Variants in TENM2 observed in about 807,000 individuals in gnomAD.
The protein encoded by TENM2 is teneurin transmembrane protein 2.
TENM2 carries 52 observed loss-of-function variants against 245.2 expected under a neutral mutation model. The ratio of observed to expected loss-of-function variants is 0.21; its 90% confidence interval spans 0.17 to 0.27. The LOEUF (loss-of-function observed/expected upper bound fraction) is 0.27. TENM2 is among the 10% of genes least tolerant of loss of function. The pLI, the probability that TENM2 is intolerant of heterozygous loss-of-function variation, is 1.00. For missense variants in TENM2, 3,046 were observed against 3,666.8 expected (o/e 0.83, Z 4.37); for synonymous variants, 1,363 against 1,438.9 (o/e 0.95, Z 1.19).
chr5:167,009,412 A>G, the TENM2 span, among the ~76,000 whole-genome samples: 1 of 152,208 alleles, frequency 6.6e-6, no homozygotes, highest in Non-Finnish European at 1.5e-5. Context: ...AAAAATATTT[A>G]CTGCTCAAAA....
rs563336004 is a variant in TENM2 at position 167,729,020 on chromosome 5, A to G, written c.503-146966A>G. 2.0e-5 allele frequency: 3 copies of G among 152,314 alleles called. No homozygotes were observed. In the South Asian group the frequency reaches 6.2e-4, roughly 32 times the overall value. 9.4% of individuals were successfully genotyped at this position (152,314 alleles called of 1,614,324 possible). The stretch of plus-strand genomic sequence containing the variant: ...ATGTTTCCAGTGATAACCCAATTTC[A>G]TTTTACAGCCTTTTCCTTCCCTTTC... On this transcript the variant is annotated intron_variant, in intron 2 of 28. Transcript: ENST00000518659.
At chr5:166,981,786 ACC>A in the TENM2 span, among the ~76,000 whole-genome samples, 2 of 151,856 alleles carry the variant, frequency 1.3e-5, no homozygotes, top group Non-Finnish European at 2.9e-5. Context: ...TTACCCAGCC[ACC>A]CCTCTGTCTA....
chr5:167,063,269 A>G, the TENM2 span, among the ~76,000 whole-genome samples: 1 of 152,088 alleles, frequency 6.6e-6, no homozygotes, highest in Non-Finnish European at 1.5e-5. Context: ...ACATGTAAAT[A>G]TTTTCTTTTT....
chr5:167,827,635 G>GGA (rs1292912678), intron 2 of TENM2, among the ~76,000 whole-genome samples: 4 of 107,954 alleles, frequency 3.7e-5, no homozygotes, highest in Admixed American at 1.0e-4. Context: ...GGGCGGGGGG[G>GGA]GGGGAACAGT....
chr5:167,307,891 C>T (rs1021366173), intron 1 of TENM2: 3 of 152,266 alleles, frequency 2.0e-5, no homozygotes, highest in African/African-American at 7.2e-5. Flanking sequence ...GTGGCTAGCT[C>T]CTTTCCCTTC....
chr5:168,003,109 T>A (rs1439909391), intron 5 of TENM2, among the ~76,000 whole-genome samples: 1 of 152,194 alleles, frequency 6.6e-6, no homozygotes, highest in East Asian at 1.9e-4. Context: ...GAAGCTTTTA[T>A]ACTAAAAAGC....
intron 2 of TENM2, among the ~76,000 whole-genome samples, chr5:167,527,361 T>C (rs942740232): frequency 8.5e-5 from 13 of 152,130 alleles, no homozygotes; most frequent in Admixed American, 6.6e-5. Context: ...GTGTACAGGA[T>C]ATCAAATATT....
intron 3 of TENM2, among the ~76,000 whole-genome samples, chr5:167,921,532 C>G (rs910673009): frequency 1.3e-5 from 2 of 152,164 alleles, no homozygotes; most frequent in African/African-American, 4.8e-5. Context: ...TGGACCAGCA[C>G]ATTGTCAGTC....
chr5:167,351,681 G>T (rs1234148388), intron 1 of TENM2, among the ~76,000 whole-genome samples: 1 of 152,150 alleles, frequency 6.6e-6, no homozygotes, highest in Non-Finnish European at 1.5e-5. Context: ...GGGGGACAAG[G>T]AATGGTGAAT....
the TENM2 span, among the ~76,000 whole-genome samples, chr5:167,272,615 T>C: frequency 6.6e-6 from 1 of 152,264 alleles, no homozygotes; most frequent in East Asian, 1.9e-4. Context: ...CCTACTCCCT[T>C]CTAGACTATC....
chr5:167,578,468 C>G (rs1428465575), intron 2 of TENM2, among the ~76,000 whole-genome samples: 2 of 152,164 alleles, frequency 1.3e-5, no homozygotes. Flanking sequence ...AGATGTCATG[C>G]CCTCATTAGA....
At chr5:167,851,956 T>C (rs2151214456) in intron 2 of TENM2, among the ~76,000 whole-genome samples, 1 of 152,354 alleles carries the variant, frequency 6.6e-6, no homozygotes, top group Non-Finnish European at 1.5e-5. Flanking sequence ...CAGCTCTTTA[T>C]TGCCTATGTC....
At chr5:167,026,547 G>C in the TENM2 span, among the ~76,000 whole-genome samples, 2 of 152,126 alleles carry the variant, frequency 1.3e-5, no homozygotes, top group Non-Finnish European at 2.9e-5. Context: ...GTATGCCAAT[G>C]AATCCACCAC....
intron 2 of TENM2, among the ~76,000 whole-genome samples, chr5:167,870,677 T>G (rs1420826210): frequency 6.8e-6 from 1 of 147,570 alleles, no homozygotes; most frequent in Non-Finnish European, 1.5e-5. Flanking sequence ...TACTTAGTAC[T>G]TAGCTCAGTT....
intron 20 of TENM2, among the ~76,000 whole-genome samples, chr5:168,212,186 TAA>T (rs35000778): frequency 1.4e-5 from 2 of 145,932 alleles, no homozygotes. Flanking sequence ...TGGTCATCTT[TAA>T]AAAAAAAAAA....
chr5:167,153,921 T>C, the TENM2 span, among the ~76,000 whole-genome samples: 1 of 152,210 alleles, frequency 6.6e-6, no homozygotes, highest in Non-Finnish European at 1.5e-5. Flanking sequence ...CTATCTTTGT[T>C]AACAATATCT....
At chr5:167,270,773 G>T in the TENM2 span, among the ~76,000 whole-genome samples, 1 of 152,124 alleles carries the variant, frequency 6.6e-6, no homozygotes, top group Non-Finnish European at 1.5e-5. Flanking sequence ...GTTTCTCTTT[G>T]TAATGAAGGC....
intron 2 of TENM2, among the ~76,000 whole-genome samples, chr5:167,518,196 T>A (rs1770522875): frequency 6.6e-6 from 1 of 152,042 alleles, no homozygotes; most frequent in Non-Finnish European, 1.5e-5. Flanking sequence ...AGTTCATTTG[T>A]CATCCTCTTC....
chr5:167,239,655 T>G, the TENM2 span, among the ~76,000 whole-genome samples: 2 of 152,222 alleles, frequency 1.3e-5, no homozygotes, highest in African/African-American at 4.8e-5. Context: ...TTGCTTGTAC[T>G]CAGTACTAGA....
Sources: gnomAD v4.1 joint callset for allele counts (sites outside exome capture counted in the v4.1 genomes callset) on GRCh38, gnomAD v4.1.1 for gene constraint, MANE v1.5 for transcripts, NCBI Gene and HGNC (gene_info 2026-07-23, HGNC 2026-07-21) for gene names.